CCSER1: variants seen among roughly 807,000 people sequenced by gnomAD.
CCSER1 encodes coiled-coil serine rich protein 1.
CCSER1 carries 41 observed loss-of-function variants against 82.0 expected under a neutral mutation model. The observed-to-expected ratio is 0.50, with a 90% CI of 0.39 to 0.65. The LOEUF (loss-of-function observed/expected upper bound fraction) is 0.65, where lower values mean the gene tolerates loss of function less well. Among genes scored for constraint, CCSER1 ranks in the 30% least tolerant of loss-of-function variants. The pLI, the probability that CCSER1 is intolerant of heterozygous loss-of-function variation, is 0.00. For synonymous variants in CCSER1, 414 were observed against 383.9 expected (o/e 1.08, Z -0.92); for missense variants, 1,119 against 1,064.2 (o/e 1.05, Z -0.72).
intron 10 of CCSER1, among the ~76,000 whole-genome samples, chr4:91,367,338 AG>A (rs1749696717): frequency 6.9e-6 from 1 of 145,102 alleles, no homozygotes; most frequent in African/African-American, 2.5e-5. Context: ...AAAAAAAAAA[AG>A]TTAAAATATT....
chr4:91,532,755 A>G (rs1349194620), intron 10 of CCSER1, among the ~76,000 whole-genome samples: 3 of 152,014 alleles, frequency 2.0e-5, no homozygotes, highest in African/African-American at 7.2e-5. Context: ...ATAGTCCCCC[A>G]GCTACCCGAG....
chr4:90,469,524 A>ACACACAC (rs1764070832), intron 5 of CCSER1, among the ~76,000 whole-genome samples: 8 of 136,340 alleles, frequency 5.9e-5, no homozygotes, highest in African/African-American at 1.9e-4. Context: ...TTTCCTGCAA[A>ACACACAC]ACACACACAC....
chr4:91,090,630 C>A (rs1723847249), intron 10 of CCSER1, among the ~76,000 whole-genome samples: 1 of 152,184 alleles, frequency 6.6e-6, no homozygotes, highest in Non-Finnish European at 1.5e-5. Flanking sequence ...TCTGCAGGAA[C>A]TAATTCTTGG....
At chr4:90,327,753 G>A (rs1561036647) in intron 3 of CCSER1, among the ~76,000 whole-genome samples, 1 of 152,152 alleles carries the variant, frequency 6.6e-6, no homozygotes, top group Admixed American at 6.5e-5. Flanking sequence ...ATAAATGCCA[G>A]TGGGACCCCC....
chr4:90,534,986 C>T (rs1775130370), intron 5 of CCSER1, among the ~76,000 whole-genome samples: 2 of 152,060 alleles, frequency 1.3e-5, no homozygotes, highest in Non-Finnish European at 2.9e-5. Flanking sequence ...AACAAAATCA[C>T]CAGGTTATCT....
At chr4:91,290,667 T>C (rs1743674394) in intron 10 of CCSER1, among the ~76,000 whole-genome samples, 1 of 151,990 alleles carries the variant, frequency 6.6e-6, no homozygotes, top group Non-Finnish European at 1.5e-5. Flanking sequence ...GTTGTTACAG[T>C]TTTGTCTTAC....
chr4:90,865,044 C>G (rs1765567566), intron 8 of CCSER1, among the ~76,000 whole-genome samples: 1 of 151,960 alleles, frequency 6.6e-6, no homozygotes, highest in Admixed American at 6.6e-5. Context: ...CTTTATTCAT[C>G]TAGGCAGCAC....
chr4:91,223,436 T>C (rs1160509722), intron 10 of CCSER1, among the ~76,000 whole-genome samples: 1 of 152,066 alleles, frequency 6.6e-6, no homozygotes, highest in African/African-American at 2.4e-5. Context: ...ATAAGTATAA[T>C]AAAGAATTAA....
chr4:90,531,741 A>C (rs1298738533), intron 5 of CCSER1, among the ~76,000 whole-genome samples: 3 of 152,168 alleles, frequency 2.0e-5, no homozygotes, highest in Non-Finnish European at 4.4e-5. Context: ...AATTCTGTGA[A>C]AAACTGGTCT....
At chr4:90,858,523 T>C (rs1764712811) in intron 8 of CCSER1, among the ~76,000 whole-genome samples, 1 of 151,978 alleles carries the variant, frequency 6.6e-6, no homozygotes, top group Non-Finnish European at 1.5e-5. Context: ...CGTTAAGGAA[T>C]CTAAATACAT....
intron 10 of CCSER1, among the ~76,000 whole-genome samples, chr4:91,486,783 A>G (rs748045417): frequency 1.1e-3 from 163 of 152,184 alleles, no homozygotes; most frequent in Non-Finnish European, 1.8e-3. Context: ...GGATTTTGGT[A>G]TGGGATGGGG....
At chr4:90,541,105 C>T (rs888414171) in intron 5 of CCSER1, among the ~76,000 whole-genome samples, 2 of 152,088 alleles carry the variant, frequency 1.3e-5, no homozygotes, top group African/African-American at 4.8e-5. Flanking sequence ...TTACTTCTTT[C>T]ATCCTGGCCT....
chr4:91,168,899 C>G (rs1044622381), intron 10 of CCSER1, among the ~76,000 whole-genome samples: 1 of 152,094 alleles, frequency 6.6e-6, no homozygotes, highest in Non-Finnish European at 1.5e-5. Flanking sequence ...TATAACCTTA[C>G]CCCCAACCCC....
chr4:90,962,860 G>A (rs1053394159), intron 9 of CCSER1, among the ~76,000 whole-genome samples: 3 of 151,706 alleles, frequency 2.0e-5, no homozygotes, highest in Non-Finnish European at 2.9e-5. Flanking sequence ...ATTCACTTTT[G>A]GATAATGAAA....
chr4:91,163,314 G>C (rs1332137447), intron 10 of CCSER1, among the ~76,000 whole-genome samples: 1 of 152,188 alleles, frequency 6.6e-6, no homozygotes, highest in East Asian at 1.9e-4. Context: ...TGTGATGTCT[G>C]TTCTTTTACA....
At chr4:91,140,533 C>T (rs1728925021) in intron 10 of CCSER1, among the ~76,000 whole-genome samples, 1 of 151,980 alleles carries the variant, frequency 6.6e-6, no homozygotes, top group Admixed American at 6.6e-5. Context: ...GTATAAAACA[C>T]AATCTTTACC....
At chr4:90,289,641 T>C (rs1452523558) in intron 1 of CCSER1, among the ~76,000 whole-genome samples, 1 of 151,896 alleles carries the variant, frequency 6.6e-6, no homozygotes, top group Non-Finnish European at 1.5e-5. Context: ...AATAAGTTTA[T>C]TAAGAAAACA....
intron 1 of CCSER1, among the ~76,000 whole-genome samples, chr4:90,272,943 C>A (rs1726831624): frequency 6.6e-6 from 1 of 152,180 alleles, no homozygotes. Context: ...GCGGAGTTTG[C>A]AGTGAGCTGA....
intron 10 of CCSER1, among the ~76,000 whole-genome samples, chr4:91,370,871 CTT>C (rs1578288768): frequency 6.6e-6 from 1 of 151,810 alleles, no homozygotes; most frequent in Non-Finnish European, 1.5e-5. Flanking sequence ...AAATTATACT[CTT>C]TTAGTTATTT....
Sources: gnomAD v4.1 joint callset for allele counts (sites outside exome capture counted in the v4.1 genomes callset) on GRCh38, gnomAD v4.1.1 for gene constraint, MANE v1.5 for transcripts, NCBI Gene and HGNC (gene_info 2026-07-23, HGNC 2026-07-21) for gene names.